USP6NL: variants seen among roughly 807,000 people sequenced by gnomAD.
USP6NL encodes the protein USP6 N-terminal-like protein.
USP6NL carries 26 observed loss-of-function variants against 61.9 expected under a neutral mutation model. The observed-to-expected ratio is 0.42, with a 90% CI of 0.31 to 0.58. The LOEUF (loss-of-function observed/expected upper bound fraction) is 0.58, where lower values mean the gene tolerates loss of function less well. Ranked by LOEUF, USP6NL falls within the 20% of genes least tolerant of loss-of-function variation. USP6NL has a pLI of 0.16. For missense variants in USP6NL, 1,114 were observed against 1,034.3 expected, an observed-to-expected ratio of 1.08 and a Z score of -1.06; for synonymous variants, 432 against 390.1, an observed-to-expected ratio of 1.11 and a Z score of -1.27.
intron 10 of USP6NL, among the ~76,000 whole-genome samples, chr10:11,488,612 T>G (rs894749781): frequency 1.3e-5 from 2 of 152,208 alleles, no homozygotes; most frequent in Admixed American, 6.5e-5. Context: ...AAACTACACT[T>G]GAAATATAAA....
intron 2 of USP6NL, among the ~76,000 whole-genome samples, chr10:11,581,155 T>C (rs922692774): frequency 6.6e-6 from 1 of 152,132 alleles, no homozygotes; most frequent in African/African-American, 2.4e-5. Context: ...ATGTTCACTA[T>C]AGAAAAATAA....
In USP6NL at chr10:11,470,813, T is replaced by C. The variant is rs941314103; in HGVS notation, c.1079-6964A>G. On this transcript the variant is annotated intron_variant, in intron 14 of 14. Transcript: ENST00000609104. This position sits in a 1 kb window ranked among gnomAD's most constrained non-coding sequence, Gnocchi z 5.4. Reference sequence around the variant, plus strand: ...GCTTGCATTCTGGGCTTCTTTTCAATAGACAGAATCATGTTTTTGCTCACT... The same window carrying C: ...GCTTGCATTCTGGGCTTCTTTTCAACAGACAGAATCATGTTTTTGCTCACT... Among the ~76,000 whole-genome samples the C allele has an allele frequency of 1.3e-5, 2 of 152,246 alleles. No homozygotes were observed. Among genetic ancestry groups the C allele is most frequent in the Non-Finnish European group, 2.9e-5 (2 of 68,038 alleles).
chr10:11,506,245 G>A (rs1260226891), intron 6 of USP6NL, among the ~76,000 whole-genome samples: 1 of 152,192 alleles, frequency 6.6e-6, no homozygotes, highest in Admixed American at 6.5e-5. Context: ...TGTATTTGTA[G>A]AAGGCACTTT....
rs1406205291 is a variant in USP6NL, at chr10:11,596,942, T to C, written c.4+689A>G. ...TCATCTTCCAATAAGAAAATGCTCA[T>C]TGCATCCCAAAGATTCCATAATCAG... On this transcript the variant is annotated intron_variant, in intron 2 of 14. Transcript: ENST00000609104. This position sits in a 1 kb window ranked among gnomAD's most constrained non-coding sequence, Gnocchi z 4.1. Among the ~76,000 whole-genome samples the C allele has an allele frequency of 3.3e-5, 5 of 152,126 alleles. No homozygotes were observed. Among genetic ancestry groups the C allele is most frequent in the South Asian group, 2.1e-4 (1 of 4,828 alleles).
intron 2 of USP6NL, among the ~76,000 whole-genome samples, chr10:11,552,871 C>T (rs1836545319): frequency 6.6e-6 from 1 of 152,112 alleles, no homozygotes; most frequent in African/African-American, 2.4e-5. Context: ...AGTTTTGCTA[C>T]ATGGATATAT....
intron 2 of USP6NL, among the ~76,000 whole-genome samples, chr10:11,594,516 T>C (rs1255709108): frequency 6.6e-6 from 1 of 152,208 alleles, no homozygotes; most frequent in African/African-American, 2.4e-5. Context: ...TCCTAGAATG[T>C]AAATGACCTG....
intron 3 of USP6NL, 103 bp downstream of exon 3, chr10:11,527,397 A>G: frequency 9.7e-7 from 1 of 1,032,172 alleles, no homozygotes; most frequent in Non-Finnish European, 1.4e-6. Flanking sequence ...ATGAAGTTAA[A>G]CAAACTGCTT....
chr10:11,462,505 G>A lies in USP6NL; in HGVS notation c.2423C>T (p.Pro808Leu), dbSNP rs375255729. 4.3e-5 allele frequency: 69 copies of A among 1,613,998 alleles called. 1 individual carries two copies. In the Middle Eastern group the frequency reaches 6.6e-4, roughly 15 times the overall value. ...ATTCCTGTAGTGGTAGGCTGGAGGC[G>A]GGGGCCCTGAATATGGATATCCAGA... The part of the protein sequence containing the change: ...SPSGYPYSGP[P>L]PPAYHYRNRD... Residue 808 changes from proline (P) to leucine (L), a missense_variant, in exon 15 of 15, where the codon CCG becomes CTG. Coordinates refer to ENST00000609104, the MANE Select transcript of USP6NL (RefSeq NM_014688.5).
chr10:11,597,684 C>G lies in USP6NL; in HGVS notation c.-50G>C, dbSNP rs911724261. 10 of 1,523,306 alleles carry G rather than the reference C, an allele frequency of 6.6e-6. No homozygotes were observed. The highest frequency in any genetic ancestry group is 1.7e-4 in the Middle Eastern group (1 of 5,958). The allele number at this position is 1,523,306 out of a possible 1,614,324, so 94.4% of individuals were successfully genotyped here. A position where few individuals can be genotyped will look rare whatever the true frequency, so the allele number is the denominator to read the frequency against. ...TCCCAATCAGATATTAAACCAAAAT[C>G]TGCTGTCCAAGGTTTCTCAGAGGAA... On this transcript the variant is annotated 5_prime_UTR_variant, in exon 2 of 15. Coordinates refer to ENST00000609104, the MANE Select transcript of USP6NL (RefSeq NM_014688.5). This position sits in a 1 kb window ranked among gnomAD's most constrained non-coding sequence, Gnocchi z 4.6.
At chr10:11,507,827 C>A (rs1347409775) in intron 6 of USP6NL, among the ~76,000 whole-genome samples, 2 of 152,164 alleles carry the variant, frequency 1.3e-5, no homozygotes, top group Non-Finnish European at 2.9e-5. Context: ...TTAATCCTCA[C>A]AACAAGCCTA....
At chr10:11,534,506 G>T (rs2133430272) in intron 2 of USP6NL, among the ~76,000 whole-genome samples, 1 of 152,336 alleles carries the variant, frequency 6.6e-6, no homozygotes, top group South Asian at 2.1e-4. Context: ...TGTCTTAGAA[G>T]AGAGTGGATT....
At chr10:11,519,611 G>A (rs1357028626) in intron 4 of USP6NL, among the ~76,000 whole-genome samples, 2 of 152,086 alleles carry the variant, frequency 1.3e-5, no homozygotes, top group Non-Finnish European at 2.9e-5. Context: ...CCCTGGGCAA[G>A]AAGAGCAAAA....
At chr10:11,515,809 CAGA>C (rs1473822195) in intron 5 of USP6NL, among the ~76,000 whole-genome samples, 3 of 152,068 alleles carry the variant, frequency 2.0e-5, no homozygotes, top group Non-Finnish European at 2.9e-5. Context: ...CAGCAGAGGT[CAGA>C]AGAAGACAAG....
At position 11,525,300 on chromosome 10, in the gene USP6NL, A is replaced by G; in HGVS notation, c.155+86T>C. 1 of 1,084,700 alleles carries G rather than the reference A, an allele frequency of 9.2e-7. No homozygotes were observed. The highest frequency in any genetic ancestry group is 1.3e-6 in the Non-Finnish European group (1 of 758,724). 67.2% of individuals were successfully genotyped at this position (1,084,700 alleles called of 1,614,324 possible). A position where few individuals can be genotyped will look rare whatever the true frequency, so the allele number is the denominator to read the frequency against. ...AGACTATTCCTTATTCACAGCAATT[A>G]TATTAAAAATAAAGAAAATCAATAT... On this transcript the variant is annotated intron_variant, in intron 4 of 14. Transcript: ENST00000609104. The surrounding 1 kb of genome is among the most constrained non-coding windows in gnomAD (Gnocchi z 5.0).
chr10:11,606,271 T>C (rs1428180306), intron 1 of USP6NL, among the ~76,000 whole-genome samples: 1 of 152,200 alleles, frequency 6.6e-6, no homozygotes, highest in Non-Finnish European at 1.5e-5. Context: ...CTTTCCAGAA[T>C]GTAGATGAAA....
At chr10:11,559,002 C>T (rs971584444) in intron 2 of USP6NL, among the ~76,000 whole-genome samples, 13 of 152,128 alleles carry the variant, frequency 8.5e-5, no homozygotes, top group Non-Finnish European at 1.6e-4. Context: ...GCCACTAAGT[C>T]GAGTTTGGTT....
chr10:11,574,721 A>C lies in USP6NL; in HGVS notation c.4+22910T>G, dbSNP rs1248867658. 1.4e-4 allele frequency among the ~76,000 whole-genome samples: 21 copies of C among 152,186 alleles called. 2 individuals are homozygous for C. Among genetic ancestry groups the C allele is most frequent in the Admixed American group, 1.4e-3 (21 of 15,270 alleles). Reference sequence around the variant, plus strand: ...TCCCATGAATTATTTTGACATTTTTAACATATCATAAAATATTAGATCCCA... The same window carrying C: ...TCCCATGAATTATTTTGACATTTTTCACATATCATAAAATATTAGATCCCA... On this transcript the variant is annotated intron_variant, in intron 2 of 14. Coordinates refer to ENST00000609104, the MANE Select transcript of USP6NL (RefSeq NM_014688.5). This position sits in a 1 kb window ranked among gnomAD's most constrained non-coding sequence, Gnocchi z 4.3.
chr10:11,479,148 G>A (rs971456033), intron 14 of USP6NL, among the ~76,000 whole-genome samples: 15 of 152,106 alleles, frequency 9.9e-5, no homozygotes, highest in African/African-American at 3.6e-4. Flanking sequence ...AGAGAAATAT[G>A]GGTACTTAAG....
chr10:11,555,415 TA>T (rs558901276), intron 2 of USP6NL, among the ~76,000 whole-genome samples: 4,932 of 26,648 alleles, frequency 0.19, 423 homozygotes, highest in Middle Eastern at 0.26. Context: ...AACTCGGTCT[TA>T]AAAAAAAAAA....
Sources: gnomAD v4.1 joint callset for allele counts (sites outside exome capture counted in the v4.1 genomes callset) on GRCh38, gnomAD v4.1.1 for gene constraint, Gnocchi (gnomAD v3.1) non-coding constraint, MANE v1.5 for transcripts, NCBI Gene and HGNC (gene_info 2026-07-23, HGNC 2026-07-21) for gene names.